Variants in SGPP2 observed in about 807,000 individuals in gnomAD.
SGPP2 encodes sphingosine 1-phosphate phosphohydrolase 2.
A neutral mutation model predicts 33.9 loss-of-function variants in SGPP2; 30 were observed. That is an observed-to-expected ratio of 0.89 (90% CI 0.66 to 1.20). SGPP2 has a LOEUF of 1.20. Among genes scored for constraint, SGPP2 ranks in the 50% most tolerant of loss-of-function variants. The pLI is 0.00. For synonymous variants in SGPP2, 233 were observed against 225.0 expected (o/e 1.04, Z -0.32); for missense variants, 458 against 532.1 (o/e 0.86, Z 1.37).
Position 222,460,918 on chromosome 2 carries a change from A to G in SGPP2, c.220-13650A>G, listed in dbSNP as rs1047011179. Among the ~76,000 whole-genome samples, 3 of 152,036 alleles carry G rather than the reference A, an allele frequency of 2.0e-5. No homozygotes were observed. Among genetic ancestry groups the G allele is most frequent in the Admixed American group, 1.3e-4 (2 of 15,272 alleles). ...AAAATCTCTTTAAATTAATTAAGCA[A>G]TGGGATCTCACTCTGTTGCCCAGGC... is the stretch of plus-strand genomic sequence containing the variant. On this transcript the variant is annotated intron_variant, in intron 1 of 4. Coordinates refer to ENST00000321276, the MANE Select transcript of SGPP2 (RefSeq NM_152386.4). This position sits in a 1 kb window ranked among gnomAD's most constrained non-coding sequence, Gnocchi z 4.3.
At chr2:222,440,906 A>C (rs1455128873) in intron 1 of SGPP2, among the ~76,000 whole-genome samples, 1 of 152,164 alleles carries the variant, frequency 6.6e-6, no homozygotes, top group Non-Finnish European at 1.5e-5. Flanking sequence ...GCCATCTGAG[A>C]TCTACACTCC....
intron 1 of SGPP2, among the ~76,000 whole-genome samples, chr2:222,441,646 T>G (rs1697326981): frequency 6.6e-6 from 1 of 152,220 alleles, no homozygotes; most frequent in Non-Finnish European, 1.5e-5. Context: ...ATTTTCTTAC[T>G]TGTAATTTTC....
chr2:222,453,250 T>G (rs552609417), intron 1 of SGPP2: 9 of 762,956 alleles, frequency 1.2e-5, no homozygotes, highest in Non-Finnish European at 1.9e-5. Flanking sequence ...TACAATCAGA[T>G]GCTTTGAAGC....
chr2:222,458,382 T>TC (rs1378766465), intron 1 of SGPP2, among the ~76,000 whole-genome samples: 1 of 152,118 alleles, frequency 6.6e-6, no homozygotes, highest in Non-Finnish European at 1.5e-5. Context: ...GAAACTCTGC[T>TC]CCTTAACATT....
At chr2:222,471,420 T>TTCG (rs1697839950) in intron 1 of SGPP2, among the ~76,000 whole-genome samples, 1 of 120,706 alleles carries the variant, frequency 8.3e-6, no homozygotes, top group African/African-American at 3.2e-5. Flanking sequence ...TCCAAGGTCA[T>TTCG]TTTTTTTTAT....
rs778306547 is a variant in SGPP2 at position 222,476,950 on chromosome 2, TG to T, written c.378+2225del. Among the ~76,000 whole-genome samples the T allele has an allele frequency of 9.5e-4, 144 of 151,930 alleles. No individual in the cohort carries two copies. Among genetic ancestry groups the T allele is most frequent in the Non-Finnish European group, 1.4e-3 (97 of 67,930 alleles). Reference sequence around the variant, plus strand: ...ATTGGAGTATATAGGTGTGTATGTATGTATGTATAGTGTGTATATGTGTATA... The same window carrying T: ...ATTGGAGTATATAGGTGTGTATGTATTATGTATAGTGTGTATATGTGTATA... On this transcript the variant is annotated intron_variant, in intron 2 of 4. Transcript: ENST00000321276. This position sits in a 1 kb window ranked among gnomAD's most constrained non-coding sequence, Gnocchi z 4.3.
rs184070774 is a variant in SGPP2, at chr2:222,562,418, C to T, written c.*3520C>T. ...ATTACTCCAAAACGTGCCCAGTGATCGCACTGTAACATGGGATTTTCTCAC... is the reference window on the plus strand; with the variant it reads ...ATTACTCCAAAACGTGCCCAGTGATTGCACTGTAACATGGGATTTTCTCAC... On this transcript the variant is annotated 3_prime_UTR_variant, in exon 5 of 5. Transcript: ENST00000321276. Among the ~76,000 whole-genome samples the T allele has an allele frequency of 2.1e-3, 320 of 152,280 alleles. 1 individual carries two copies. Among genetic ancestry groups the T allele is most frequent in the Non-Finnish European group, 3.6e-3 (247 of 68,028 alleles).
intron 2 of SGPP2, among the ~76,000 whole-genome samples, chr2:222,491,452 A>G (rs1229886284): frequency 2.6e-5 from 4 of 152,194 alleles, no homozygotes; most frequent in African/African-American, 9.7e-5. Flanking sequence ...GAGGAAGGGG[A>G]AGCAGGCACA....
chr2:222,445,768 C>T (rs546644718), intron 1 of SGPP2, among the ~76,000 whole-genome samples: 36 of 152,264 alleles, frequency 2.4e-4, no homozygotes, highest in Non-Finnish European at 4.6e-4. Context: ...CTGTAGACCC[C>T]GAAGGCTTAG....
At chr2:222,462,030 C>T (rs147949136) in intron 1 of SGPP2, among the ~76,000 whole-genome samples, 9 of 152,248 alleles carry the variant, frequency 5.9e-5, no homozygotes, top group African/African-American at 2.2e-4. Flanking sequence ...TCATGCCTGT[C>T]CCCAGGTCGT....
intron 1 of SGPP2, among the ~76,000 whole-genome samples, chr2:222,464,193 T>C (rs1697708805): frequency 6.6e-6 from 1 of 152,356 alleles, no homozygotes; most frequent in Middle Eastern, 3.4e-3. Context: ...AGATCCAAGA[T>C]GTTTTGAAAA....
At chr2:222,541,684 G>A (rs1351274334) in intron 4 of SGPP2, among the ~76,000 whole-genome samples, 1 of 151,972 alleles carries the variant, frequency 6.6e-6, no homozygotes. Flanking sequence ...CGCTATCTCA[G>A]TTCACTACAA....
chr2:222,558,640 A>G lies in SGPP2; in HGVS notation c.942A>G (p.Pro314=). The G allele has an allele frequency of 6.2e-7, 1 of 1,614,128 alleles. No individual in the cohort carries two copies. The highest frequency in any genetic ancestry group is 8.5e-7 in the Non-Finnish European group (1 of 1,180,018). ...CTCTCCCTGTTATTCAGAACATCCC[A>G]CCACTCACCACCTACATGTTAGTTT... is the stretch of plus-strand genomic sequence containing the variant. ...AESLPVIQNI[P]PLTTYMLVLG... Residue 314 remains proline, a synonymous_variant, in exon 5 of 5, where the codon CCA becomes CCG. Coordinates refer to ENST00000321276, the MANE Select transcript of SGPP2 (RefSeq NM_152386.4).
chr2:222,513,949 A>AT lies in SGPP2; in HGVS notation c.379-7817dup, dbSNP rs1698566921. ...GAGTTGCTTATTCTGGACATTCTAT[A>AT]TAAATGGAATCATACAATGTGTGAT... On this transcript the variant is annotated intron_variant, in intron 2 of 4. Transcript: ENST00000321276. Among the ~76,000 whole-genome samples, 3 of 152,326 alleles carry AT rather than the reference A, an allele frequency of 2.0e-5. No homozygotes were observed. In the South Asian group the frequency reaches 6.2e-4, roughly 32 times the overall value.
rs111813450 is a variant in SGPP2 at position 222,538,533 on chromosome 2, A to G, written c.648+13500A>G. ...TCCCGGGAGATTCTCTGATGAGGAAAAAAGGGATTCCTGAAGCAGTTTGTG... is the reference window on the plus strand; with the variant it reads ...TCCCGGGAGATTCTCTGATGAGGAAGAAAGGGATTCCTGAAGCAGTTTGTG... On this transcript the variant is annotated intron_variant, in intron 4 of 4. Transcript: ENST00000321276. Among the ~76,000 whole-genome samples, 276 of 152,320 alleles carry G rather than the reference A, an allele frequency of 1.8e-3. 1 individual carries two copies. The highest frequency in any genetic ancestry group is 6.4e-3 in the African/African-American group (267 of 41,580).
At chr2:222,515,748 C>T (rs1003598875) in intron 2 of SGPP2, among the ~76,000 whole-genome samples, 10 of 152,188 alleles carry the variant, frequency 6.6e-5, no homozygotes, top group East Asian at 5.8e-4. Flanking sequence ...TTAAAATATA[C>T]AAGTTGAGGG....
chr2:222,496,877 C>A (rs1698289344), intron 2 of SGPP2, among the ~76,000 whole-genome samples: 1 of 152,144 alleles, frequency 6.6e-6, no homozygotes, highest in South Asian at 2.1e-4. Context: ...CATCTGGCAG[C>A]AATTCAATAA....
chr2:222,529,019 C>T (rs1469111727), intron 4 of SGPP2, among the ~76,000 whole-genome samples: 1 of 152,144 alleles, frequency 6.6e-6, no homozygotes, highest in Admixed American at 6.5e-5. Context: ...TTATTTTTCT[C>T]CCCTTTACAT....
intron 1 of SGPP2, among the ~76,000 whole-genome samples, chr2:222,425,243 G>T (rs1003670194): frequency 2.7e-5 from 4 of 148,610 alleles, no homozygotes; most frequent in African/African-American, 1.0e-4. Flanking sequence ...TCCCTGATGC[G>T]CACAAATGCG....
Sources: gnomAD v4.1 joint callset for allele counts (sites outside exome capture counted in the v4.1 genomes callset) on GRCh38, gnomAD v4.1.1 for gene constraint, Gnocchi (gnomAD v3.1) non-coding constraint, MANE v1.5 for transcripts, NCBI Gene and HGNC (gene_info 2026-07-23, HGNC 2026-07-21) for gene names.